The following TENM2 variants were observed in gnomAD, a reference collection of about 807,000 sequenced individuals.
The protein encoded by TENM2 is teneurin transmembrane protein 2.
Under a neutral mutation model 245.2 loss-of-function variants are expected in TENM2, and 52 were observed. The observed-to-expected ratio is 0.21, with a 90% confidence interval of 0.17 to 0.27. TENM2 has a LOEUF of 0.27. Ranked by LOEUF, TENM2 falls within the 10% of genes least tolerant of loss-of-function variation. TENM2 has a pLI of 1.00. For missense variants in TENM2, 3,046 were observed against 3,666.8 expected (o/e 0.83, Z 4.37); for synonymous variants, 1,363 against 1,438.9 (o/e 0.95, Z 1.19).
chr5:167,101,960 T>A, the TENM2 span, among the ~76,000 whole-genome samples: 1 of 139,248 alleles, frequency 7.2e-6, no homozygotes, highest in Non-Finnish European at 1.5e-5. Context: ...TTTTGGTGGA[T>A]CATGCCTGTA....
At chr5:167,741,308 C>T (rs1406655492) in intron 2 of TENM2, among the ~76,000 whole-genome samples, 1 of 152,072 alleles carries the variant, frequency 6.6e-6, no homozygotes, top group Non-Finnish European at 1.5e-5. Context: ...AGATGCTCAA[C>T]AAGTATGTGT....
At chr5:168,123,932 G>T (rs1795660960) in intron 10 of TENM2, among the ~76,000 whole-genome samples, 1 of 152,216 alleles carries the variant, frequency 6.6e-6, no homozygotes, top group African/African-American at 2.4e-5. Flanking sequence ...GGAGGTCCCA[G>T]GTTTGATATC....
chr5:167,293,308 T>G (rs1320135210), intron 1 of TENM2, among the ~76,000 whole-genome samples: 1 of 151,960 alleles, frequency 6.6e-6, no homozygotes, highest in East Asian at 1.9e-4. Context: ...TTCAAGCGAT[T>G]CTCCTGCCTC....
chr5:168,114,713 A>G (rs1267081392), intron 9 of TENM2, among the ~76,000 whole-genome samples: 3 of 152,202 alleles, frequency 2.0e-5, no homozygotes, highest in Non-Finnish European at 2.9e-5. Flanking sequence ...GGCATAAGCA[A>G]AGCCCATTGA....
intron 2 of TENM2, among the ~76,000 whole-genome samples, chr5:167,859,414 G>T (rs1179521203): frequency 2.2e-5 from 3 of 137,488 alleles, no homozygotes; most frequent in Middle Eastern, 4.0e-3. Context: ...CAGCCGCCCC[G>T]TCCGGGAGGT....
the TENM2 span, among the ~76,000 whole-genome samples, chr5:167,195,163 GT>G: frequency 6.6e-6 from 1 of 152,024 alleles, no homozygotes; most frequent in Admixed American, 6.6e-5. Flanking sequence ...AAAGAGCTCG[GT>G]ATTCTCAGCT....
At chr5:167,066,764 A>T in the TENM2 span, among the ~76,000 whole-genome samples, 1 of 152,142 alleles carries the variant, frequency 6.6e-6, no homozygotes, top group East Asian at 1.9e-4. Flanking sequence ...AGCCACGTAC[A>T]TCCCTCAAAA....
intron 2 of TENM2, among the ~76,000 whole-genome samples, chr5:167,834,344 A>C (rs1415338122): frequency 6.6e-6 from 1 of 152,190 alleles, no homozygotes; most frequent in African/African-American, 2.4e-5. Flanking sequence ...ACACTCACTG[A>C]GGCCTTTTAA....
chr5:168,257,570 C>T (rs1350107422), intron 27 of TENM2, among the ~76,000 whole-genome samples: 4 of 151,360 alleles, frequency 2.6e-5, no homozygotes, highest in Non-Finnish European at 5.9e-5. Flanking sequence ...GTGGGGAGAC[C>T]CTGGGGTGCT....
At chr5:167,571,283 A>G (rs766723629) in intron 2 of TENM2, among the ~76,000 whole-genome samples, 24 of 152,298 alleles carry the variant, frequency 1.6e-4, no homozygotes, top group Non-Finnish European at 2.1e-4. Flanking sequence ...ACAATGAGAC[A>G]AAATAACTCA....
At chr5:167,829,158 G>C (rs1318000059) in intron 2 of TENM2, among the ~76,000 whole-genome samples, 2 of 152,212 alleles carry the variant, frequency 1.3e-5, no homozygotes, top group East Asian at 3.8e-4. Context: ...TATCCTCGTG[G>C]TGAAATGCAT....
intron 7 of TENM2, among the ~76,000 whole-genome samples, chr5:168,073,247 G>A (rs541374871): frequency 6.6e-6 from 1 of 152,296 alleles, no homozygotes; most frequent in South Asian, 2.1e-4. Context: ...TATTACTAGA[G>A]GGTTGGATAC....
chr5:168,161,374 T>C (rs2152448539), intron 12 of TENM2, among the ~76,000 whole-genome samples: 1 of 152,294 alleles, frequency 6.6e-6, no homozygotes, highest in Non-Finnish European at 1.5e-5. Context: ...GAAAAGTAAA[T>C]TAATGGTCAC....
the TENM2 span, among the ~76,000 whole-genome samples, chr5:167,188,112 T>G: frequency 6.6e-6 from 1 of 152,174 alleles, no homozygotes; most frequent in South Asian, 2.1e-4. Flanking sequence ...TCTAAGAACC[T>G]TGTCAAATCA....
intron 13 of TENM2, among the ~76,000 whole-genome samples, chr5:168,179,078 T>G (rs1759617390): frequency 7.2e-6 from 1 of 138,274 alleles, no homozygotes; most frequent in Non-Finnish European, 1.5e-5. Flanking sequence ...GAAGTTGCAG[T>G]GAGTCGAGAT....
chr5:167,041,769 T>C, the TENM2 span, among the ~76,000 whole-genome samples: 3 of 152,278 alleles, frequency 2.0e-5, 1 homozygote, highest in South Asian at 6.2e-4. Context: ...TTAGCTGACT[T>C]TGTTCTTCAC....
chr5:168,188,432 A>G (rs1030787527), intron 13 of TENM2, among the ~76,000 whole-genome samples: 1 of 152,210 alleles, frequency 6.6e-6, no homozygotes, highest in Admixed American at 6.5e-5. Flanking sequence ...AGGATTGACT[A>G]ACGAATTCGT....
intron 7 of TENM2, among the ~76,000 whole-genome samples, chr5:168,081,030 G>C (rs1170013229): frequency 6.6e-6 from 1 of 152,110 alleles, no homozygotes; most frequent in Admixed American, 6.5e-5. Flanking sequence ...TGACAGTGGG[G>C]TGTTAAAGTC....
chr5:167,141,965 T>C, the TENM2 span, among the ~76,000 whole-genome samples: 5 of 152,166 alleles, frequency 3.3e-5, no homozygotes, highest in African/African-American at 1.2e-4. Flanking sequence ...TAGTCACTTG[T>C]GTGTAATCAT....
Sources: gnomAD v4.1 joint callset for allele counts (sites outside exome capture counted in the v4.1 genomes callset) on GRCh38, gnomAD v4.1.1 for gene constraint, MANE v1.5 for transcripts, NCBI Gene and HGNC (gene_info 2026-07-23, HGNC 2026-07-21) for gene names.